The following WDPCP variants were observed in gnomAD, a reference collection of about 807,000 sequenced individuals.
WDPCP encodes WD repeat containing planar cell polarity effector.
WDPCP carries 71 observed loss-of-function variants against 93.1 expected under a neutral mutation model. The observed-to-expected ratio is 0.76, with a 90% CI of 0.63 to 0.93. WDPCP has a LOEUF of 0.93. Ranked by LOEUF, WDPCP falls within the 40% of genes least tolerant of loss-of-function variation. The pLI, the probability that WDPCP is intolerant of heterozygous loss-of-function variation, is 0.00. For missense variants in WDPCP, 844 were observed against 887.4 expected, an observed-to-expected ratio of 0.95 and a Z score of 0.62; for synonymous variants, 315 against 315.0, an observed-to-expected ratio of 1.00 and a Z score of 0.00.
At chr2:63,837,684 C>A in the WDPCP span, among the ~76,000 whole-genome samples, 1 of 152,228 alleles carries the variant, frequency 6.6e-6, no homozygotes, top group Non-Finnish European at 1.5e-5. Flanking sequence ...ATTGTAAAGT[C>A]ATCAGGGCAT....
chr2:63,804,926 G>A (rs1442530994), intron 2 of WDPCP, among the ~76,000 whole-genome samples: 9 of 152,144 alleles, frequency 5.9e-5, no homozygotes, highest in Non-Finnish European at 5.9e-5. Context: ...TACTCGGGAG[G>A]CTGAGGCAGG....
chr2:63,722,020 T>G (rs1350476151), intron 2 of WDPCP, among the ~76,000 whole-genome samples: 2 of 152,066 alleles, frequency 1.3e-5, no homozygotes, highest in Non-Finnish European at 2.9e-5. Flanking sequence ...CGGAGTCTCG[T>G]TCACTCAGTG....
intron 6 of WDPCP, among the ~76,000 whole-genome samples, chr2:63,459,758 A>G (rs1244221345): frequency 1.3e-5 from 2 of 152,192 alleles, no homozygotes; most frequent in Non-Finnish European, 2.9e-5. Flanking sequence ...CCTAATAAAA[A>G]TACAAAAAAT....
chr2:63,517,069 C>G (rs1702601677), intron 1 of WDPCP, among the ~76,000 whole-genome samples: 1 of 152,136 alleles, frequency 6.6e-6, no homozygotes, highest in South Asian at 2.1e-4. Context: ...TCGTCTTCTT[C>G]TAAACTACAT....
chr2:63,523,540 T>C (rs1703094501), intron 1 of WDPCP, among the ~76,000 whole-genome samples: 1 of 152,218 alleles, frequency 6.6e-6, no homozygotes, highest in African/African-American at 2.4e-5. Flanking sequence ...GATATGATTC[T>C]ATACCTAGAA....
chr2:63,317,102 T>A (rs1455350280), intron 12 of WDPCP, among the ~76,000 whole-genome samples: 1 of 152,084 alleles, frequency 6.6e-6, no homozygotes, highest in African/African-American at 2.4e-5. Flanking sequence ...ATCAATACCG[T>A]TAAAATGGCC....
At chr2:63,472,744 G>C (rs1388894919) in intron 6 of WDPCP, among the ~76,000 whole-genome samples, 1 of 152,116 alleles carries the variant, frequency 6.6e-6, no homozygotes, top group Non-Finnish European at 1.5e-5. Flanking sequence ...ATTTTTAGTA[G>C]AGACAGGGTT....
At chr2:63,668,187 T>G (rs1710304831) in intron 2 of WDPCP, among the ~76,000 whole-genome samples, 1 of 152,142 alleles carries the variant, frequency 6.6e-6, no homozygotes, top group Non-Finnish European at 1.5e-5. Flanking sequence ...GCCCACTGGC[T>G]ACCCTCCTTT....
At chr2:63,749,786 T>C (rs938729787) in intron 2 of WDPCP, among the ~76,000 whole-genome samples, 4 of 152,128 alleles carry the variant, frequency 2.6e-5, no homozygotes, top group African/African-American at 9.6e-5. Flanking sequence ...CTTGAACACA[T>C]AATCTAGAAT....
At chr2:63,616,839 A>G (rs537152615) in intron 3 of WDPCP, among the ~76,000 whole-genome samples, 45 of 152,356 alleles carry the variant, frequency 3.0e-4, no homozygotes, top group African/African-American at 1.0e-3. Flanking sequence ...GCTAGAAGAA[A>G]CTTTGAGATT....
At chr2:63,124,538 A>C (rs1259877502) in intron 17 of WDPCP, among the ~76,000 whole-genome samples, 1 of 152,136 alleles carries the variant, frequency 6.6e-6, no homozygotes, top group Non-Finnish European at 1.5e-5. Flanking sequence ...AGACAAGTTA[A>C]GCTTTGCTTT....
chr2:63,529,122 G>A (rs1013885757), intron 1 of WDPCP, among the ~76,000 whole-genome samples: 2 of 152,162 alleles, frequency 1.3e-5, no homozygotes, highest in African/African-American at 2.4e-5. Flanking sequence ...GGGCTGAGAC[G>A]AGGGGGTTTT....
intron 2 of WDPCP, among the ~76,000 whole-genome samples, chr2:63,652,837 T>C (rs1439360985): frequency 6.6e-6 from 1 of 152,136 alleles, no homozygotes; most frequent in East Asian, 1.9e-4. Flanking sequence ...GTAGAGCATA[T>C]GGATGGATGC....
intron 14 of WDPCP, among the ~76,000 whole-genome samples, chr2:63,208,590 A>T (rs1574877259): frequency 6.6e-6 from 1 of 152,106 alleles, no homozygotes; most frequent in African/African-American, 2.4e-5. Context: ...CCATCCCAGC[A>T]CCTCCATACT....
intron 2 of WDPCP, among the ~76,000 whole-genome samples, chr2:63,669,511 C>T (rs1710320641): frequency 6.6e-6 from 1 of 151,948 alleles, no homozygotes; most frequent in African/African-American, 2.4e-5. Flanking sequence ...AGGTACGTGC[C>T]ACCATGCCCA....
chr2:63,301,756 T>C (rs1575095609), intron 13 of WDPCP, among the ~76,000 whole-genome samples: 1 of 151,216 alleles, frequency 6.6e-6, no homozygotes, highest in African/African-American at 2.4e-5. Context: ...CTCTCCACAC[T>C]GAGTCACACC....
chr2:63,245,046 C>T (rs1436597763), intron 14 of WDPCP, among the ~76,000 whole-genome samples: 1 of 152,062 alleles, frequency 6.6e-6, no homozygotes, highest in Non-Finnish European at 1.5e-5. Flanking sequence ...TACATCTGAC[C>T]GCCTGTGACA....
intron 2 of WDPCP, among the ~76,000 whole-genome samples, chr2:63,780,015 G>T (rs562135157): frequency 1.8e-4 from 28 of 152,162 alleles, no homozygotes; most frequent in Admixed American, 5.9e-4. Context: ...GGTATGCAAG[G>T]GTGAATAAAC....
the WDPCP span, among the ~76,000 whole-genome samples, chr2:63,840,721 G>A: frequency 1.3e-5 from 2 of 152,222 alleles, no homozygotes; most frequent in African/African-American, 4.8e-5. Context: ...AAAATAACCA[G>A]TCGTGCTCAG....
Sources: gnomAD v4.1 joint callset for allele counts (sites outside exome capture counted in the v4.1 genomes callset) on GRCh38, gnomAD v4.1.1 for gene constraint, MANE v1.5 for transcripts, NCBI Gene and HGNC (gene_info 2026-07-23, HGNC 2026-07-21) for gene names.